Variants in CREG2 observed in about 807,000 individuals in gnomAD.
CREG2 encodes the protein cellular repressor of E1A stimulated genes 2.
In CREG2, 24 loss-of-function variants were observed where a neutral mutation model predicts 26.2. The ratio of observed to expected loss-of-function variants is 0.92; its 90% CI spans 0.66 to 1.29. The LOEUF (loss-of-function observed/expected upper bound fraction) is 1.29, where lower values mean the gene tolerates loss of function less well. CREG2 is among the 50% of genes most tolerant of loss of function. The probability of loss-of-function intolerance (pLI) is 0.00; values close to 1 mark genes in which losing one functional copy is unlikely to be tolerated. For missense variants in CREG2, 366 were observed against 398.6 expected (o/e 0.92, Z 0.70); for synonymous variants, 174 against 169.2 (o/e 1.03, Z -0.22).
rs1573319790 is a variant in CREG2 at position 101,383,789 on chromosome 2, T to C, written c.442-87A>G. 50 of 1,267,948 alleles carry C rather than the reference T, an allele frequency of 3.9e-5. No individual in the cohort carries two copies. The East Asian group carries it at 1.1e-3, about 28-fold the overall frequency. 78.5% of individuals were successfully genotyped at this position (1,267,948 alleles called of 1,614,324 possible). Reference sequence around the variant, plus strand: ...TTAGCTTGTGCCTCTGGCTAGGAAATACAACACCAGGGATGAGGGGGGATC... The same window carrying C: ...TTAGCTTGTGCCTCTGGCTAGGAAACACAACACCAGGGATGAGGGGGGATC... On this transcript the variant is annotated intron_variant, in intron 1 of 3. Coordinates refer to ENST00000324768, the MANE Select transcript of CREG2 (RefSeq NM_153836.4).
intron 3 of CREG2, 95 bp downstream of exon 3, chr2:101,355,158 A>G (rs1029102242): frequency 2.0e-5 from 16 of 795,430 alleles, no homozygotes; most frequent in Non-Finnish European, 3.2e-5. Context: ...GAGACCAATC[A>G]CTTATTGCAT....
chr2:101,371,917 C>A (rs944226047), intron 2 of CREG2, among the ~76,000 whole-genome samples: 1 of 151,948 alleles, frequency 6.6e-6, no homozygotes, highest in Non-Finnish European at 1.5e-5. Context: ...GAACTCTAGT[C>A]CGTAGGACTA....
rs1684324873 is a variant in CREG2, at chr2:101,347,592, G to A, written c.*3331C>T. ...CTAGTGCTGTTGACTGTCTTTTCAT[G>A]TCTTTTCATGCGCTTATTTGCCATT... On this transcript the variant is annotated 3_prime_UTR_variant, in exon 4 of 4. Transcript: ENST00000324768. The A allele has an allele frequency of 6.6e-6, 1 of 152,108 alleles. No homozygotes were observed. Among genetic ancestry groups the A allele is most frequent in the South Asian group, 2.1e-4 (1 of 4,832 alleles). 9.4% of individuals were successfully genotyped at this position (152,108 alleles called of 1,614,324 possible).
At chr2:101,367,662 AT>A (rs1304224286) in intron 2 of CREG2, among the ~76,000 whole-genome samples, 1 of 152,208 alleles carries the variant, frequency 6.6e-6, no homozygotes, top group African/African-American at 2.4e-5. Flanking sequence ...GTGACTTCAT[AT>A]GGTAACAGGG....
In CREG2 at chr2:101,365,440, A is replaced by G. The variant is rs567989889; in HGVS notation, c.612-10074T>C. On this transcript the variant is annotated intron_variant, in intron 2 of 3. Transcript: ENST00000324768. ...CCATCCTCCTAGGGATGCTATCCAC[A>G]ATAGTTCCCTGATTCATCATCACAG... Among the ~76,000 whole-genome samples, 4 of 152,232 alleles carry G rather than the reference A, an allele frequency of 2.6e-5. No individual in the cohort carries two copies. The South Asian group carries it at 8.3e-4, about 32-fold the overall frequency.
Position 101,346,124 on chromosome 2 carries a change from C to T in CREG2, c.*4799G>A, listed in dbSNP as rs1478125977. ...AAAGTGTTTGGATTACAGGCATGAGCTACCTTGCTCAGCCTAGAAATACTT... is the reference window on the plus strand; with the variant it reads ...AAAGTGTTTGGATTACAGGCATGAGTTACCTTGCTCAGCCTAGAAATACTT... On this transcript the variant is annotated 3_prime_UTR_variant, in exon 4 of 4. Coordinates refer to ENST00000324768, the MANE Select transcript of CREG2 (RefSeq NM_153836.4). The T allele has an allele frequency of 6.6e-6, 1 of 151,730 alleles. No homozygotes were observed. The highest frequency in any genetic ancestry group is 2.4e-5 in the African/African-American group (1 of 41,322). 9.4% of individuals were successfully genotyped at this position (151,730 alleles called of 1,614,324 possible).
intron 2 of CREG2, chr2:101,382,835 C>T: frequency 2.0e-6 from 2 of 985,412 alleles, no homozygotes; most frequent in Non-Finnish European, 2.4e-6. Context: ...AAGGGCTCAC[C>T]CCAGGCCATC....
chr2:101,387,206 G>T lies in CREG2; in HGVS notation c.252C>A (p.His84Gln), dbSNP rs1421367514. The T allele has an allele frequency of 2.2e-6, 3 of 1,385,156 alleles. No homozygotes were observed. The highest frequency in any genetic ancestry group is 2.5e-5 in the Admixed American group (1 of 39,348). 85.8% of individuals were successfully genotyped at this position (1,385,156 alleles called of 1,614,324 possible). A position where few individuals can be genotyped will look rare whatever the true frequency, so the allele number is the denominator to read the frequency against. The change falls in exon 1 of 4, where the codon CAC becomes CAA. Residue 84 changes from histidine (H) to glutamine (Q), a missense_variant. Physicochemically the swap from His to Gln is conservative, Grantham distance 24. Coordinates refer to ENST00000324768, the MANE Select transcript of CREG2 (RefSeq NM_153836.4). The surrounding 1 kb of genome is among the most constrained non-coding windows in gnomAD (Gnocchi z 4.7). ...FPASAHKEDA[H>Q]LRPRAGAARA... ...GGGCGGCGCCCGCCCGGGGCCGCAG[G>T]TGCGCGTCCTCCTTGTGGGCAGAGG... is the stretch of plus-strand genomic sequence containing the variant.
chr2:101,382,858 T>C, intron 2 of CREG2: 1 of 985,522 alleles, frequency 1.0e-6, no homozygotes, highest in Non-Finnish European at 1.2e-6. Flanking sequence ...GGGCATTTGC[T>C]GCTCCTCTGG....
chr2:101,347,010 C>T lies in CREG2; in HGVS notation c.*3913G>A, dbSNP rs964758800. The T allele has an allele frequency of 2.6e-5, 4 of 152,156 alleles. No homozygotes were observed. Among genetic ancestry groups the T allele is most frequent in the Non-Finnish European group, 4.4e-5 (3 of 68,030 alleles). The allele number at this position is 152,156 out of a possible 1,614,324, so 9.4% of individuals were successfully genotyped here. A position where few individuals can be genotyped will look rare whatever the true frequency, so the allele number is the denominator to read the frequency against. On this transcript the variant is annotated 3_prime_UTR_variant, in exon 4 of 4. Coordinates refer to ENST00000324768, the MANE Select transcript of CREG2 (RefSeq NM_153836.4). ...TTCTCCCCACTCCTCCCTGGCAACCCCTAATCTATTCTCCATTCCTATAAT... is the reference window on the plus strand; with the variant it reads ...TTCTCCCCACTCCTCCCTGGCAACCTCTAATCTATTCTCCATTCCTATAAT...
intron 2 of CREG2, among the ~76,000 whole-genome samples, chr2:101,367,079 G>T (rs886530449): frequency 5.3e-5 from 8 of 152,126 alleles, no homozygotes; most frequent in Admixed American, 2.0e-4. Context: ...AGGGATAAAT[G>T]TATGTGTTTA....
In CREG2 at chr2:101,386,578, A is replaced by AT. The variant is rs1278500300; in HGVS notation, c.441+438dup. Among the ~76,000 whole-genome samples the AT allele has an allele frequency of 2.6e-5, 4 of 152,158 alleles. No homozygotes were observed. The South Asian group carries it at 8.3e-4, about 32-fold the overall frequency. On this transcript the variant is annotated intron_variant, in intron 1 of 3. Transcript: ENST00000324768. ...AAGCCCTCGTGCTCTCTCTCTCCCC[A>AT]TCCCTGCTTCAGCTCCAGGTCAGAA...
intron 1 of CREG2, among the ~76,000 whole-genome samples, 184 bp downstream of exon 1, chr2:101,386,833 C>G (rs889022080): frequency 6.6e-6 from 1 of 152,192 alleles, no homozygotes; most frequent in African/African-American, 2.4e-5. Context: ...CCCCCGACTT[C>G]GCCAGGCTCA....
At chr2:101,361,806 C>T (rs893104985) in intron 2 of CREG2, among the ~76,000 whole-genome samples, 4 of 152,182 alleles carry the variant, frequency 2.6e-5, no homozygotes, top group African/African-American at 9.7e-5. Context: ...GGCAGCTGCA[C>T]CCCTGAAATG....
Position 101,387,335 on chromosome 2 carries a change from G to C in CREG2, c.123C>G (p.Ala41=). The change falls in exon 1 of 4, where the codon GCC becomes GCG. Residue 41 remains alanine (A), a synonymous_variant. Coordinates refer to ENST00000324768, the MANE Select transcript of CREG2 (RefSeq NM_153836.4). The surrounding 1 kb of genome is among the most constrained non-coding windows in gnomAD (Gnocchi z 4.7). The stretch of plus-strand genomic sequence containing the variant: ...GCTCCTCGTCCACCTCGTTGGTGAC[G>C]GCCCAAGACACGGAGCTCACGATCA... The part of the protein sequence containing the change: ...GYVIVSSVSW[A]VTNEVDEELD... 6.7e-7 allele frequency: 1 copy of C among 1,489,686 alleles called. No individual in the cohort carries two copies. Among genetic ancestry groups the C allele is most frequent in the Non-Finnish European group, 9.0e-7 (1 of 1,113,106 alleles). The allele number at this position is 1,489,686 out of a possible 1,614,324, so 92.3% of individuals were successfully genotyped here. A position where few individuals can be genotyped will look rare whatever the true frequency, so the allele number is the denominator to read the frequency against.
At position 101,383,541 on chromosome 2, in the gene CREG2, C is replaced by T. The variant is rs138498270; in HGVS notation, c.603G>A (p.Glu201=). 4.0e-5 allele frequency: 65 copies of T among 1,613,810 alleles called. No homozygotes were observed. The African/African-American group carries it at 7.7e-4, about 19-fold the overall frequency. Residue 201 remains glutamate (E), a synonymous_variant, in exon 2 of 4, where the codon GAG becomes GAA. Transcript: ENST00000324768. ...ASLMLPESEG[E]FCRKNIVDPE... ...GGCAAACCGTCGTCTACCTGCAGAA[C>T]TCCCCTTCTGATTCTGGCAGCATCA...
At chr2:101,380,714 G>T (rs1263516285) in intron 2 of CREG2, among the ~76,000 whole-genome samples, 1 of 152,176 alleles carries the variant, frequency 6.6e-6, no homozygotes, top group Non-Finnish European at 1.5e-5. Flanking sequence ...GGCTGAGGCA[G>T]GTGGATCACC....
intron 2 of CREG2, 123 bp downstream of exon 2, chr2:101,383,410 G>A (rs978833554): frequency 2.3e-6 from 2 of 858,366 alleles, no homozygotes; most frequent in Non-Finnish European, 3.6e-6. Flanking sequence ...TGATTTCAAG[G>A]GTGAACATCA....
At chr2:101,360,591 AG>A in intron 2 of CREG2, among the ~76,000 whole-genome samples, 1 of 152,230 alleles carries the variant, frequency 6.6e-6, no homozygotes, top group African/African-American at 2.4e-5. Flanking sequence ...TACAAAAATT[AG>A]CCGGGTGTGG....
Sources: gnomAD v4.1 joint callset for allele counts (sites outside exome capture counted in the v4.1 genomes callset) on GRCh38, gnomAD v4.1.1 for gene constraint, Gnocchi (gnomAD v3.1) non-coding constraint, MANE v1.5 for transcripts, NCBI Gene and HGNC (gene_info 2026-07-23, HGNC 2026-07-21) for gene names.